Variants in MAGI2 observed in about 807,000 individuals in gnomAD.
MAGI2 encodes membrane associated guanylate kinase, WW and PDZ domain containing 2, also known as membrane-associated guanylate kinase, WW and PDZ domain-containing protein 2.
Under a neutral mutation model 133.3 loss-of-function variants are expected in MAGI2, and 35 were observed. That is an observed-to-expected ratio of 0.26 (90% CI 0.20 to 0.35). MAGI2 has a LOEUF of 0.35. MAGI2 is among the 10% of genes least tolerant of loss of function. The pLI, the probability that MAGI2 is intolerant of heterozygous loss-of-function variation, is 1.00. For synonymous variants in MAGI2, 729 were observed against 710.6 expected, an observed-to-expected ratio of 1.03 and a Z score of -0.41; for missense variants, 1,636 against 1,863.4, an observed-to-expected ratio of 0.88 and a Z score of 2.25.
intron 2 of MAGI2, among the ~76,000 whole-genome samples, chr7:78,913,460 A>T (rs6970122): frequency 0.9 from 137,241 of 152,182 alleles, 62,061 homozygotes; most frequent in East Asian, 1. Flanking sequence ...GCTGAGCAGA[A>T]ACCACTATGC....
intron 2 of MAGI2, chr7:78,946,625 A>T (rs1225638862): frequency 6.6e-6 from 1 of 152,206 alleles, no homozygotes; most frequent in Non-Finnish European, 1.5e-5. Flanking sequence ...CATGCACCTT[A>T]GAGGTGGGTA....
At chr7:78,426,621 T>A (rs962347036) in intron 6 of MAGI2, among the ~76,000 whole-genome samples, 14 of 144,084 alleles carry the variant, frequency 9.7e-5, no homozygotes, top group African/African-American at 3.9e-4. Context: ...ATAAATAAAT[T>A]AATTAAAAAA....
intron 3 of MAGI2, among the ~76,000 whole-genome samples, chr7:78,589,441 C>T (rs1371313498): frequency 6.6e-6 from 1 of 152,188 alleles, no homozygotes; most frequent in Non-Finnish European, 1.5e-5. Flanking sequence ...GGAGTCTATG[C>T]ACATAACTGC....
intron 1 of MAGI2, among the ~76,000 whole-genome samples, chr7:79,408,397 T>C (rs1845945991): frequency 6.6e-6 from 1 of 151,846 alleles, no homozygotes; most frequent in African/African-American, 2.4e-5. Flanking sequence ...GAAATCAAAG[T>C]TAGCAAAAAA....
chr7:78,830,311 TG>T (rs1453347961), intron 2 of MAGI2, among the ~76,000 whole-genome samples: 2 of 152,188 alleles, frequency 1.3e-5, no homozygotes, highest in Non-Finnish European at 2.9e-5. Context: ...CTCTTACTCA[TG>T]ACCACTTTTT....
intron 2 of MAGI2, among the ~76,000 whole-genome samples, chr7:78,902,271 T>C (rs1008726094): frequency 2.6e-5 from 4 of 152,162 alleles, no homozygotes; most frequent in Admixed American, 2.0e-4. Context: ...CATACAACTT[T>C]AGAAAGAGAA....
intron 6 of MAGI2, among the ~76,000 whole-genome samples, chr7:78,440,115 G>A (rs1277996440): frequency 2.0e-5 from 3 of 151,688 alleles, no homozygotes; most frequent in Admixed American, 2.0e-4. Context: ...ACATTTAAAT[G>A]TAATGACTCC....
chr7:79,314,193 G>C (rs10240268), intron 1 of MAGI2, among the ~76,000 whole-genome samples: 103,334 of 151,922 alleles, frequency 0.68, 35,503 homozygotes, highest in Admixed American at 0.71. Flanking sequence ...ATGCTGGTCT[G>C]AAACTCCTGA....
At chr7:78,647,525 G>A (rs1811027608) in intron 2 of MAGI2, among the ~76,000 whole-genome samples, 1 of 152,138 alleles carries the variant, frequency 6.6e-6, no homozygotes, top group East Asian at 1.9e-4. Flanking sequence ...GGAGAAATAG[G>A]AACGCTTTTA....
rs181272215 is a variant in MAGI2 at position 78,854,247 on chromosome 7, T to C, written c.418+152843A>G. Among the ~76,000 whole-genome samples the C allele has an allele frequency of 7.2e-5, 11 of 152,256 alleles. No individual in the cohort carries two copies. The East Asian group carries it at 2.1e-3, about 29-fold the overall frequency. On this transcript the variant is annotated intron_variant, in intron 2 of 21. Coordinates refer to ENST00000354212, the MANE Select transcript of MAGI2 (RefSeq NM_012301.4). ...TAAACTTTAGATTATATATTTAATG[T>C]AATTTTAAAGCATTTCTTAAAAAGT...
At chr7:79,451,329 G>A (rs1849229886) in intron 1 of MAGI2, among the ~76,000 whole-genome samples, 1 of 152,196 alleles carries the variant, frequency 6.6e-6, no homozygotes, top group Non-Finnish European at 1.5e-5. Context: ...TAGTTGTGTA[G>A]TAGACTTTTC....
At chr7:79,145,664 G>A (rs1651849547) in intron 1 of MAGI2, among the ~76,000 whole-genome samples, 1 of 152,134 alleles carries the variant, frequency 6.6e-6, no homozygotes, top group African/African-American at 2.4e-5. Context: ...GTTTTTAAAA[G>A]CCTACAGAGC....
chr7:79,259,726 T>C (rs1833946261), intron 1 of MAGI2, among the ~76,000 whole-genome samples: 1 of 152,206 alleles, frequency 6.6e-6, no homozygotes, highest in Admixed American at 6.5e-5. Context: ...TTGATTTTTG[T>C]TTTATCAATT....
chr7:78,965,383 G>A (rs917030695), intron 2 of MAGI2, among the ~76,000 whole-genome samples: 1 of 151,652 alleles, frequency 6.6e-6, no homozygotes, highest in Admixed American at 6.6e-5. Context: ...TAGGAAAATT[G>A]TTGGAGCACA....
intron 3 of MAGI2, among the ~76,000 whole-genome samples, chr7:78,561,001 T>C (rs1035575481): frequency 1.3e-5 from 2 of 152,170 alleles, no homozygotes; most frequent in Non-Finnish European, 2.9e-5. Flanking sequence ...TAGTTGGTGA[T>C]CTTGGGTAGG....
chr7:79,130,934 TTTATTC>T (rs1367582246), intron 1 of MAGI2, among the ~76,000 whole-genome samples: 3 of 151,812 alleles, frequency 2.0e-5, no homozygotes, highest in Non-Finnish European at 2.9e-5. Context: ...CATTCATTCA[TTTATTC>T]ATTCACTCAC....
chr7:79,213,300 GTGTATTT>G (rs1338908091), intron 1 of MAGI2, among the ~76,000 whole-genome samples: 2 of 150,398 alleles, frequency 1.3e-5, no homozygotes, highest in African/African-American at 4.9e-5. Context: ...GTGTACGTGT[GTGTATTT>G]ACACACACGT....
intron 2 of MAGI2, among the ~76,000 whole-genome samples, chr7:78,959,869 T>C (rs943005797): frequency 1.3e-5 from 2 of 152,292 alleles, no homozygotes; most frequent in South Asian, 2.1e-4. Context: ...TCTGGAGTTA[T>C]GGAGTGAATC....
chr7:78,616,742 GC>G (rs1807144784), intron 3 of MAGI2: 1 of 152,200 alleles, frequency 6.6e-6, no homozygotes, highest in Non-Finnish European at 1.5e-5. Flanking sequence ...TTGGCCTAGA[GC>G]CAAGAAAGTG....
Sources: allele counts gnomAD v4.1 joint callset (sites outside exome capture counted in the v4.1 genomes callset), GRCh38; gene constraint gnomAD v4.1.1; transcripts MANE v1.5; gene names NCBI Gene and HGNC (gene_info 2026-07-23, HGNC 2026-07-21).